TRIP4: variants seen among roughly 807,000 people sequenced by gnomAD.
TRIP4 encodes the protein thyroid hormone receptor interactor 4.
A neutral mutation model predicts 81.8 loss-of-function variants in TRIP4; 54 were observed. That is an observed-to-expected ratio of 0.66 (90% CI 0.53 to 0.83). The LOEUF (loss-of-function observed/expected upper bound fraction) is 0.83, where lower values mean the gene tolerates loss of function less well. Among genes scored for constraint, TRIP4 ranks in the 40% least tolerant of loss-of-function variants. The pLI, the probability that TRIP4 is intolerant of heterozygous loss-of-function variation, is 0.00. For missense variants in TRIP4, 662 were observed against 683.6 expected, an observed-to-expected ratio of 0.97 and a Z score of 0.35; for synonymous variants, 270 against 242.8, an observed-to-expected ratio of 1.11 and a Z score of -1.04.
intron 12 of TRIP4, among the ~76,000 whole-genome samples, chr15:64,451,644 T>TA (rs1415222674): frequency 6.7e-6 from 1 of 150,082 alleles, no homozygotes; most frequent in Admixed American, 6.6e-5. Flanking sequence ...GCTAATTTTT[T>TA]ATTGCTTTTA....
intron 8 of TRIP4, among the ~76,000 whole-genome samples, chr15:64,414,689 TG>T (rs1891854787): frequency 1.3e-5 from 2 of 152,060 alleles, no homozygotes; most frequent in South Asian, 4.2e-4. Flanking sequence ...GCGAATTTTT[TG>T]TATTTTTTAA....
At chr15:64,444,530 A>C (rs1487879956) in intron 11 of TRIP4, 1 of 152,252 alleles carries the variant, frequency 6.6e-6, no homozygotes, top group Non-Finnish European at 1.5e-5. Context: ...AGAATGAATC[A>C]TCTTCCTTCC....
intron 11 of TRIP4, among the ~76,000 whole-genome samples, chr15:64,431,254 A>G (rs1036032237): frequency 6.6e-6 from 1 of 152,138 alleles, no homozygotes; most frequent in Non-Finnish European, 1.5e-5. Flanking sequence ...AAATATTCCG[A>G]TAACAGCCCT....
In TRIP4 at chr15:64,455,010, C is replaced by T. The variant is rs779089534; in HGVS notation, c.1692C>T (p.Ser564=). 5 of 1,613,814 alleles carry T rather than the reference C, an allele frequency of 3.1e-6. No individual in the cohort carries two copies. The South Asian group carries it at 5.5e-5, about 18-fold the overall frequency. The part of the protein sequence containing the change: ...KGNPKIWKLD[S]KIHQGAKKGL... The stretch of plus-strand genomic sequence containing the variant: ...TCTCCCTTACAGGGAAATTGGATTC[C>T]AAGATCCATCAAGGAGCAAAGAAGG... Residue 564 remains serine (S), a synonymous_variant, in exon 13 of 13, where the codon TCC becomes TCT. Coordinates refer to ENST00000261884, the MANE Select transcript of TRIP4 (RefSeq NM_016213.5).
chr15:64,428,381 TCTC>T (rs151029412), intron 11 of TRIP4, among the ~76,000 whole-genome samples: 2,544 of 152,332 alleles, frequency 0.017, 65 homozygotes, highest in African/African-American at 0.058. Context: ...TCATGATACT[TCTC>T]CTTTAACTTA....
intron 1 of TRIP4, among the ~76,000 whole-genome samples, chr15:64,390,537 A>AGAC: frequency 6.6e-6 from 1 of 151,892 alleles, no homozygotes; most frequent in Non-Finnish European, 1.5e-5. Flanking sequence ...AGAATGATAG[A>AGAC]TGTAGTCTTC....
chr15:64,393,012 A>G (rs891565827), intron 1 of TRIP4, among the ~76,000 whole-genome samples: 1 of 152,164 alleles, frequency 6.6e-6, no homozygotes, highest in Admixed American at 6.6e-5. Flanking sequence ...AATGCAGTAC[A>G]TACGATACCA....
chr15:64,440,479 A>G (rs1892494306), intron 11 of TRIP4, among the ~76,000 whole-genome samples: 1 of 144,050 alleles, frequency 6.9e-6, no homozygotes. Context: ...TTTTGGAGGT[A>G]CTGAGGCTCT....
At chr15:64,444,904 G>T (rs7167394) in intron 11 of TRIP4, 102 bp from the exon 12 acceptor site, 3 of 651,288 alleles carry the variant, frequency 4.6e-6, no homozygotes, top group East Asian at 5.3e-5. Context: ...ATGGAAAGTA[G>T]TATCATCAGA....
chr15:64,388,152 C>T (rs1383367371), intron 1 of TRIP4, 188 bp downstream of exon 1: 7 of 1,047,494 alleles, frequency 6.7e-6, no homozygotes, highest in Non-Finnish European at 8.7e-6. Flanking sequence ...GTGTCCGGCT[C>T]CACAGTCTGC....
At chr15:64,411,886 T>A (rs1453446893) in intron 7 of TRIP4, among the ~76,000 whole-genome samples, 5 of 152,058 alleles carry the variant, frequency 3.3e-5, no homozygotes, top group African/African-American at 1.2e-4. Context: ...TTTCACCGTG[T>A]TAGCCAGGAT....
chr15:64,409,812 G>A lies in TRIP4; in HGVS notation c.1027G>A (p.Ala343Thr), dbSNP rs778414032. The A allele has an allele frequency of 3.1e-6, 5 of 1,613,968 alleles. No homozygotes were observed. The highest frequency in any genetic ancestry group is 4.2e-6 in the Non-Finnish European group (5 of 1,180,016). ...RKILEEENSLAEYHSRLDETI... is the reference protein window; with the variant it reads ...RKILEEENSLTEYHSRLDETI... The stretch of plus-strand genomic sequence containing the variant: ...GATCCTGGAAGAAGAAAATTCACTA[G>A]CAGAGTATCATAGCAGGTAAGTGAG... Residue 343 changes from alanine (A) to threonine (T), a missense_variant, in exon 7 of 13, where the codon GCA becomes ACA. Physicochemically the swap from Ala to Thr is moderately conservative, Grantham distance 58. Coordinates refer to ENST00000261884, the MANE Select transcript of TRIP4 (RefSeq NM_016213.5).
Position 64,406,101 on chromosome 15 carries a change from A to G in TRIP4, c.698-229A>G, listed in dbSNP as rs556682607. On this transcript the variant is annotated intron_variant, in intron 5 of 12. Transcript: ENST00000261884. ...GGTGCCCTTAGTGAACCAAATTTTT[A>G]TAAAGGAAGAAAAGATCCCTGCCAT... 3.9e-5 allele frequency among the ~76,000 whole-genome samples: 6 copies of G among 152,358 alleles called. No individual in the cohort carries two copies. The East Asian group carries it at 7.7e-4, about 20-fold the overall frequency.
chr15:64,439,162 A>G (rs1234764756), intron 11 of TRIP4, among the ~76,000 whole-genome samples: 1 of 152,204 alleles, frequency 6.6e-6, no homozygotes, highest in Non-Finnish European at 1.5e-5. Flanking sequence ...ATCTTCCAGT[A>G]GAGTGGGGCC....
intron 1 of TRIP4, among the ~76,000 whole-genome samples, chr15:64,389,455 G>C (rs1900051666): frequency 6.6e-6 from 1 of 152,018 alleles, no homozygotes; most frequent in Non-Finnish European, 1.5e-5. Flanking sequence ...AACATAGTGA[G>C]ACCCTGTCTC....
Position 64,394,018 on chromosome 15 carries a change from C to CA in TRIP4, c.180dup (p.Gly61ArgfsTer15). ...CTGATCTCCTCCAGGGAAATGAAGG[C>CA]AAAAAAGGTCAATTCATAGAAGAAC... On this transcript the variant is annotated frameshift_variant, in exon 2 of 13. Transcript: ENST00000261884. LOFTEE classifies it high-confidence loss of function. The CA allele has an allele frequency of 6.2e-7, 1 of 1,609,098 alleles. No homozygotes were observed. The highest frequency in any genetic ancestry group is 8.5e-7 in the Non-Finnish European group (1 of 1,177,942).
chr15:64,393,605 C>G (rs1490622283), intron 1 of TRIP4: 5 of 160,534 alleles, frequency 3.1e-5, no homozygotes, highest in African/African-American at 1.2e-4. Flanking sequence ...AGCACTGTTT[C>G]TTTCTCTTTT....
At chr15:64,442,102 C>G (rs1339573669) in intron 11 of TRIP4, among the ~76,000 whole-genome samples, 1 of 151,382 alleles carries the variant, frequency 6.6e-6, no homozygotes. Context: ...TGTCTATGGA[C>G]TTGTAGGTCA....
chr15:64,452,734 T>A (rs1249066533), intron 12 of TRIP4, among the ~76,000 whole-genome samples: 2 of 152,208 alleles, frequency 1.3e-5, no homozygotes, highest in Non-Finnish European at 2.9e-5. Flanking sequence ...TTATTCCAAT[T>A]TACATTTCAT....
Sources: gnomAD v4.1 joint callset for allele counts (sites outside exome capture counted in the v4.1 genomes callset) on GRCh38, gnomAD v4.1.1 for gene constraint, MANE v1.5 for transcripts, NCBI Gene and HGNC (gene_info 2026-07-23, HGNC 2026-07-21) for gene names.